NEK10: variants seen among roughly 807,000 people sequenced by gnomAD.
NEK10 encodes NIMA related kinase 10.
Under a neutral mutation model 159.8 loss-of-function variants are expected in NEK10, and 122 were observed. The observed-to-expected ratio is 0.76, with a 90% confidence interval of 0.66 to 0.89. The LOEUF is 0.89. Among genes scored for constraint, NEK10 ranks in the 40% least tolerant of loss-of-function variants. NEK10 has a pLI of 0.00. For synonymous variants in NEK10, 466 were observed against 457.1 expected, an observed-to-expected ratio of 1.02 and a Z score of -0.25; for missense variants, 1,342 against 1,323.1, an observed-to-expected ratio of 1.01 and a Z score of -0.22.
rs538361915 is a variant in NEK10, at chr3:27,196,177, C to T, written c.2292-3935G>A. Reference sequence around the variant, plus strand: ...TTTCAGACATTGCATGGAAAAGCATCATGAAAATCCCTGTCCTGTTCTGCT... The same window carrying T: ...TTTCAGACATTGCATGGAAAAGCATTATGAAAATCCCTGTCCTGTTCTGCT... On this transcript the variant is annotated intron_variant, in intron 25 of 35. Coordinates refer to ENST00000691995, the MANE Select transcript of NEK10 (RefSeq NM_001394966.1). Among the ~76,000 whole-genome samples, 10 of 152,282 alleles carry T rather than the reference C, an allele frequency of 6.6e-5. No homozygotes were observed. In the South Asian group the frequency reaches 2.1e-3, roughly 32 times the overall value.
intron 31 of NEK10, among the ~76,000 whole-genome samples, chr3:27,137,066 A>G (rs1050039557): frequency 1.3e-5 from 2 of 152,092 alleles, no homozygotes; most frequent in African/African-American, 4.8e-5. Context: ...ATTTACATGT[A>G]TTTTTCTTTT....
chr3:27,291,438 C>T, intron 17 of NEK10, 46 bp downstream of exon 17: 1 of 1,605,424 alleles, frequency 6.2e-7, no homozygotes, highest in Non-Finnish European at 8.5e-7. Context: ...AAATTACATC[C>T]TGACTACATA....
intron 22 of NEK10, among the ~76,000 whole-genome samples, chr3:27,282,214 G>A (rs542356735): frequency 3.0e-4 from 46 of 152,152 alleles, no homozygotes; most frequent in Middle Eastern, 3.4e-3. Context: ...AAGTGGAGAC[G>A]TGGCCATTTT....
At chr3:27,204,294 TG>T (rs762533551) in intron 23 of NEK10, among the ~76,000 whole-genome samples, 1,010 of 91,046 alleles carry the variant, frequency 0.011, 5 homozygotes, top group Admixed American at 0.017. Context: ...TTTTTTTTTT[TG>T]TTGTTGTTTT....
chr3:27,130,431 C>T (rs1942482834), intron 32 of NEK10, among the ~76,000 whole-genome samples: 1 of 152,028 alleles, frequency 6.6e-6, no homozygotes, highest in African/African-American at 2.4e-5. Flanking sequence ...ATTTAACAAA[C>T]AAAATCTTCT....
chr3:27,224,571 C>A (rs1424920179), intron 23 of NEK10, among the ~76,000 whole-genome samples: 1 of 152,232 alleles, frequency 6.6e-6, no homozygotes, highest in Non-Finnish European at 1.5e-5. Flanking sequence ...GAGACATCTC[C>A]CATGACCAAG....
chr3:27,347,388 G>A (rs986124876), intron 3 of NEK10, among the ~76,000 whole-genome samples: 1 of 150,538 alleles, frequency 6.6e-6, no homozygotes, highest in African/African-American at 2.4e-5. Context: ...TGTAATCCCA[G>A]CTACTTGGGA....
At chr3:27,120,556 C>T (rs1941159954) in intron 32 of NEK10, among the ~76,000 whole-genome samples, 1 of 151,896 alleles carries the variant, frequency 6.6e-6, no homozygotes, top group Non-Finnish European at 1.5e-5. Flanking sequence ...TCTCGAACTC[C>T]TGACCTCAGC....
At chr3:27,276,687 T>A (rs2041798524) in intron 22 of NEK10, among the ~76,000 whole-genome samples, 1 of 152,210 alleles carries the variant, frequency 6.6e-6, no homozygotes, top group Non-Finnish European at 1.5e-5. Flanking sequence ...AAACTCAGCC[T>A]CTTTCTCAAC....
intron 25 of NEK10, among the ~76,000 whole-genome samples, chr3:27,196,644 A>G (rs1462682904): frequency 6.6e-6 from 1 of 152,230 alleles, no homozygotes; most frequent in Non-Finnish European, 1.5e-5. Context: ...GCCAGGGTCT[A>G]TTAGTTTCAG....
chr3:27,307,254 T>A (rs191638185), intron 11 of NEK10, among the ~76,000 whole-genome samples: 2 of 152,344 alleles, frequency 1.3e-5, no homozygotes, highest in Admixed American at 1.3e-4. Flanking sequence ...AGGGCTCCAT[T>A]GCTGGAGATT....
chr3:27,171,927 T>C (rs1306978996), intron 28 of NEK10, 54 bp from the exon 29 acceptor site: 2 of 1,542,580 alleles, frequency 1.3e-6, no homozygotes, highest in African/African-American at 1.4e-5. Flanking sequence ...AAATCTTTTA[T>C]TTTTTATGTT....
chr3:27,174,447 G>A lies in NEK10; in HGVS notation c.2768C>T (p.Ser923Phe). The A allele has an allele frequency of 6.2e-7, 1 of 1,610,152 alleles. No homozygotes were observed. Among genetic ancestry groups the A allele is most frequent in the Non-Finnish European group, 8.5e-7 (1 of 1,179,396 alleles). The change falls in exon 28 of 36, where the codon TCT becomes TTT. Residue 923 changes from serine (S) to phenylalanine (F), a missense_variant. Coordinates refer to ENST00000691995, the MANE Select transcript of NEK10 (RefSeq NM_001394966.1). ...SSSSSSPLKE[S>F]TFNILKRSFS... is the part of the protein sequence containing the mutation. ...GATAACAGAAAGCTTACTGAATGTA[G>A]ATTCTTTCAGAGGGCTTGAACTGGA...
At chr3:27,120,157 G>A (rs1941081836) in intron 32 of NEK10, among the ~76,000 whole-genome samples, 2 of 151,976 alleles carry the variant, frequency 1.3e-5, no homozygotes, top group Non-Finnish European at 2.9e-5. Flanking sequence ...AAAAATACTG[G>A]CATGAAGCTG....
At chr3:27,276,617 T>C (rs948713015) in intron 22 of NEK10, among the ~76,000 whole-genome samples, 1 of 152,184 alleles carries the variant, frequency 6.6e-6, no homozygotes, top group Non-Finnish European at 1.5e-5. Context: ...AATTAGATTT[T>C]AACTAAGCAT....
chr3:27,232,350 T>C lies in NEK10; in HGVS notation c.2090+23946A>G, dbSNP rs1383885686. Among the ~76,000 whole-genome samples the C allele has an allele frequency of 2.0e-5, 3 of 151,824 alleles. No homozygotes were observed. The East Asian group carries it at 5.8e-4, about 29-fold the overall frequency. On this transcript the variant is annotated intron_variant, in intron 23 of 35. Coordinates refer to ENST00000691995, the MANE Select transcript of NEK10 (RefSeq NM_001394966.1). ...CAAATAAAATACTTAGGAATATACT[T>C]AACCAAGGAAGTGAATGATCTCTGC...
At chr3:27,344,182 C>T (rs184365866) in intron 5 of NEK10, 90 bp downstream of exon 5, 80 of 669,848 alleles carry the variant, frequency 1.2e-4, no homozygotes, top group East Asian at 5.6e-4. Context: ...ATGTTCAATC[C>T]TGTAAGATGT....
At chr3:27,366,194 C>A (rs2049069964) in intron 1 of NEK10, among the ~76,000 whole-genome samples, 2 of 152,058 alleles carry the variant, frequency 1.3e-5, no homozygotes, top group African/African-American at 2.4e-5. Flanking sequence ...TCACAACCAC[C>A]CCATTTTACA....
chr3:27,254,013 ATG>A, intron 23 of NEK10, among the ~76,000 whole-genome samples: 1 of 152,126 alleles, frequency 6.6e-6, no homozygotes, highest in South Asian at 2.1e-4. Flanking sequence ...CCTCAGTCAG[ATG>A]CTGAGGGCTC....
Sources: allele counts gnomAD v4.1 joint callset (sites outside exome capture counted in the v4.1 genomes callset), GRCh38; gene constraint gnomAD v4.1.1; transcripts MANE v1.5; gene names NCBI Gene and HGNC (gene_info 2026-07-23, HGNC 2026-07-21).